The following ATXN10 variants were observed in gnomAD, a reference collection of about 807,000 sequenced individuals.
ATXN10 encodes the protein ataxin 10.
A neutral mutation model predicts 52.9 loss-of-function variants in ATXN10; 28 were observed. The observed-to-expected ratio is 0.53, with a 90% CI of 0.39 to 0.73. The LOEUF (loss-of-function observed/expected upper bound fraction) is 0.73. Ranked by LOEUF, ATXN10 falls within the 30% of genes least tolerant of loss-of-function variation. The pLI, the probability that ATXN10 is intolerant of heterozygous loss-of-function variation, is 0.00. For synonymous variants in ATXN10, 226 were observed against 221.5 expected, an observed-to-expected ratio of 1.02 and a Z score of -0.18; for missense variants, 565 against 577.0, an observed-to-expected ratio of 0.98 and a Z score of 0.21.
chr22:45,781,019 G>A lies in ATXN10; in HGVS notation c.1174-25940G>A, dbSNP rs932284035. Among the ~76,000 whole-genome samples the A allele has an allele frequency of 2.0e-5, 3 of 152,192 alleles. No individual in the cohort carries two copies. Among genetic ancestry groups the A allele is most frequent in the African/African-American group, 7.2e-5 (3 of 41,454 alleles). On this transcript the variant is annotated intron_variant, in intron 9 of 11. Transcript: ENST00000252934. The surrounding 1 kb of genome is among the most constrained non-coding windows in gnomAD (Gnocchi z 4.2). ...GCTGTCAACCCAGAAACACCAATGG[G>A]TGCAGACCAGAAAGCCCTGAGGAAA...
intron 3 of ATXN10, among the ~76,000 whole-genome samples, chr22:45,697,291 C>T (rs139153006): frequency 0.028 from 4,267 of 152,098 alleles, 215 homozygotes; most frequent in African/African-American, 0.097. Flanking sequence ...CCCACCACCA[C>T]GCCTGGCTAA....
intron 9 of ATXN10, among the ~76,000 whole-genome samples, chr22:45,742,834 C>T (rs377667307): frequency 3.0e-4 from 1 of 3,386 alleles, no homozygotes; most frequent in Non-Finnish European, 4.6e-4. Flanking sequence ...ACTACTGATT[C>T]CCCCCTTGGG....
rs1424379122 is a variant in ATXN10, at chr22:45,702,841, A to G, written c.641A>G (p.Glu214Gly). ...GCTTACCAAAAACATCCTGAATCAG[A>G]ATGGCCGTAAGTATCTTGTTAGAAA... ...IDAYQKHPES[E>G]WPFLIITDLF... The change falls in exon 5 of 12, where the codon GAA (glutamate) becomes GGA (glycine). Residue 214 changes from glutamate to glycine, a missense_variant. Coordinates refer to ENST00000252934, the MANE Select transcript of ATXN10 (RefSeq NM_013236.4). The G allele has an allele frequency of 1.2e-6, 2 of 1,613,824 alleles. No homozygotes were observed. The highest frequency in any genetic ancestry group is 8.5e-7 in the Non-Finnish European group (1 of 1,179,964).
At chr22:45,814,814 C>T (rs1308144425) in intron 10 of ATXN10, among the ~76,000 whole-genome samples, 4 of 152,126 alleles carry the variant, frequency 2.6e-5, no homozygotes, top group Admixed American at 2.6e-4. Flanking sequence ...AGATCAGTGG[C>T]GGCATTAGAT....
rs1027999753 is a variant in ATXN10, at chr22:45,826,914, T to A, written c.1238-16077T>A. On this transcript the variant is annotated intron_variant, in intron 10 of 11. Coordinates refer to ENST00000252934, the MANE Select transcript of ATXN10 (RefSeq NM_013236.4). The surrounding 1 kb of genome is among the most constrained non-coding windows in gnomAD (Gnocchi z 5.0). ...CTAGTTTATAACTTCACATTTTGTT[T>A]TCTACATATTTTAAGAGACTAATGT... 6.6e-6 allele frequency among the ~76,000 whole-genome samples: 1 copy of A among 152,216 alleles called. No homozygotes were observed. Among genetic ancestry groups the A allele is most frequent in the Non-Finnish European group, 1.5e-5 (1 of 68,036 alleles).
rs145908585 is a variant in ATXN10, at chr22:45,677,682, A to T, written c.116+5503A>T. 216 of 152,348 alleles carry T rather than the reference A, an allele frequency of 1.4e-3. 1 individual carries two copies. Among genetic ancestry groups the T allele is most frequent in the African/African-American group, 5.1e-3 (212 of 41,584 alleles). The allele number at this position is 152,348 out of a possible 1,614,324, so 9.4% of individuals were successfully genotyped here. ...GGGCAAAATCTGTGCTTTACAAAGA[A>T]AAATAAAGGCCAATAAGCGTATGAT... On this transcript the variant is annotated intron_variant, in intron 1 of 11. Transcript: ENST00000252934. The surrounding 1 kb of genome is among the most constrained non-coding windows in gnomAD (Gnocchi z 4.1).
chr22:45,822,788 T>C (rs2283669), intron 10 of ATXN10, among the ~76,000 whole-genome samples: 37,469 of 151,922 alleles, frequency 0.25, 5,570 homozygotes, highest in East Asian at 0.53. Flanking sequence ...TCCCAAAGTG[T>C]TGGGATTACA....
rs533641745 is a variant in ATXN10, at chr22:45,784,282, A to G, written c.1174-22677A>G. Among the ~76,000 whole-genome samples, 2 of 152,266 alleles carry G rather than the reference A, an allele frequency of 1.3e-5. No homozygotes were observed. The highest frequency in any genetic ancestry group is 4.1e-4 in the South Asian group (2 of 4,828). On this transcript the variant is annotated intron_variant, in intron 9 of 11. Transcript: ENST00000252934. This position sits in a 1 kb window ranked among gnomAD's most constrained non-coding sequence, Gnocchi z 4.2. Reference sequence around the variant, plus strand: ...AACCCTTACAGATTTCATTTTCTTTATCTGTCATCTTGGAACATTATTTTC... The same window carrying G: ...AACCCTTACAGATTTCATTTTCTTTGTCTGTCATCTTGGAACATTATTTTC...
At position 45,671,932 on chromosome 22, in the gene ATXN10, G is replaced by T. The variant is rs956906125; in HGVS notation, c.-132G>T. 3.0e-6 allele frequency: 3 copies of T among 1,016,144 alleles called. No individual in the cohort carries two copies. The highest frequency in any genetic ancestry group is 4.2e-6 in the Non-Finnish European group (3 of 708,658). The allele number at this position is 1,016,144 out of a possible 1,614,324, so 62.9% of individuals were successfully genotyped here. A position where few individuals can be genotyped will look rare whatever the true frequency, so the allele number is the denominator to read the frequency against. On this transcript the variant is annotated 5_prime_UTR_variant, in exon 1 of 12. Coordinates refer to ENST00000252934, the MANE Select transcript of ATXN10 (RefSeq NM_013236.4). ...CAGCGCGGGCTGCAGCGGCGGCGGCGGTTAGGGCTGTGTAGGGCGAGGCCT... is the reference window on the plus strand; with the variant it reads ...CAGCGCGGGCTGCAGCGGCGGCGGCTGTTAGGGCTGTGTAGGGCGAGGCCT...
rs950784155 is a variant in ATXN10 at position 45,757,208 on chromosome 22, G to A, written c.1173+16670G>A. ...TGTTGACAGGAAAAATCCGACTGGCGGCCTTGGAGCAGTTCGAAGAGAGGG... is the reference window on the plus strand; with the variant it reads ...TGTTGACAGGAAAAATCCGACTGGCAGCCTTGGAGCAGTTCGAAGAGAGGG... On this transcript the variant is annotated intron_variant, in intron 9 of 11. Transcript: ENST00000252934. This position sits in a 1 kb window ranked among gnomAD's most constrained non-coding sequence, Gnocchi z 4.6. Among the ~76,000 whole-genome samples the A allele has an allele frequency of 1.4e-4, 21 of 152,256 alleles. No individual in the cohort carries two copies. The highest frequency in any genetic ancestry group is 1.2e-3 in the Admixed American group (19 of 15,296).
intron 9 of ATXN10, among the ~76,000 whole-genome samples, chr22:45,749,215 A>G (rs1019053323): frequency 6.6e-6 from 1 of 152,114 alleles, no homozygotes; most frequent in Non-Finnish European, 1.5e-5. Context: ...TTGGCTTAAC[A>G]CCTGCCGTAA....
intron 7 of ATXN10, among the ~76,000 whole-genome samples, chr22:45,736,205 C>G (rs1925289745): frequency 6.6e-6 from 1 of 152,026 alleles, no homozygotes; most frequent in Non-Finnish European, 1.5e-5. Context: ...ATATGCCATC[C>G]CCTGGCTTCA....
In ATXN10 at chr22:45,817,019, G is replaced by A. The variant is rs575940132; in HGVS notation, c.1237+9997G>A. Among the ~76,000 whole-genome samples, 62 of 152,292 alleles carry A rather than the reference G, an allele frequency of 4.1e-4. No individual in the cohort carries two copies. The South Asian group carries it at 0.013, about 32-fold the overall frequency. Reference sequence around the variant, plus strand: ...GGCTCGGTGTGGTTTGTAAAAGATAGCAATGAATTTCCATGCCAGGAGCGC... The same window carrying A: ...GGCTCGGTGTGGTTTGTAAAAGATAACAATGAATTTCCATGCCAGGAGCGC... On this transcript the variant is annotated intron_variant, in intron 10 of 11. Coordinates refer to ENST00000252934, the MANE Select transcript of ATXN10 (RefSeq NM_013236.4).
chr22:45,799,093 C>T (rs136007), intron 9 of ATXN10, among the ~76,000 whole-genome samples: 126,646 of 150,436 alleles, frequency 0.84, 53,377 homozygotes, highest in Middle Eastern at 0.88. Context: ...TTTTGTTTTT[C>T]TTTTGAGACA....
chr22:45,808,808 A>G (rs966249222), intron 10 of ATXN10, among the ~76,000 whole-genome samples: 5 of 152,232 alleles, frequency 3.3e-5, no homozygotes, highest in African/African-American at 1.2e-4. Flanking sequence ...TAGTGGAGAA[A>G]TGGTTCAAAG....
At chr22:45,736,585 T>C (rs1022829603) in intron 7 of ATXN10, among the ~76,000 whole-genome samples, 2 of 152,104 alleles carry the variant, frequency 1.3e-5, no homozygotes, top group Non-Finnish European at 2.9e-5. Flanking sequence ...TTGCTACTTA[T>C]TTGTTGGAGA....
intron 5 of ATXN10, among the ~76,000 whole-genome samples, chr22:45,703,541 G>A (rs943932046): frequency 6.6e-6 from 1 of 152,014 alleles, no homozygotes; most frequent in Non-Finnish European, 1.5e-5. Context: ...TGTTTTAGGC[G>A]CACACACAGT....
intron 10 of ATXN10, chr22:45,811,662 A>G: frequency 2.1e-6 from 1 of 466,482 alleles, no homozygotes; most frequent in South Asian, 1.6e-5. Context: ...ACATTCTGTG[A>G]TGTTCACACA....
chr22:45,751,654 A>G (rs911502843), intron 9 of ATXN10, among the ~76,000 whole-genome samples: 6 of 151,330 alleles, frequency 4.0e-5, no homozygotes, highest in African/African-American at 1.2e-4. Context: ...TGAAATGTCT[A>G]TATATCTCCC....
Sources: gnomAD v4.1 joint callset for allele counts (sites outside exome capture counted in the v4.1 genomes callset) on GRCh38, gnomAD v4.1.1 for gene constraint, Gnocchi (gnomAD v3.1) non-coding constraint, MANE v1.5 for transcripts, NCBI Gene and HGNC (gene_info 2026-07-23, HGNC 2026-07-21) for gene names.